Variants in PAX5 observed in about 807,000 individuals in gnomAD.
PAX5 encodes paired box 5.
PAX5 carries 9 observed loss-of-function variants against 43.7 expected under a neutral mutation model. The ratio of observed to expected loss-of-function variants is 0.21; its 90% CI spans 0.12 to 0.36. PAX5 has a LOEUF of 0.36. PAX5 is among the 10% of genes least tolerant of loss of function. The probability of loss-of-function intolerance (pLI) is 1.00; values close to 1 mark genes in which losing one functional copy is unlikely to be tolerated. For synonymous variants in PAX5, 228 were observed against 214.3 expected, an observed-to-expected ratio of 1.06 and a Z score of -0.56; for missense variants, 383 against 532.7, an observed-to-expected ratio of 0.72 and a Z score of 2.77.
At chr9:36,854,706 T>C (rs1307184699) in intron 8 of PAX5, among the ~76,000 whole-genome samples, 1 of 152,038 alleles carries the variant, frequency 6.6e-6, no homozygotes, top group East Asian at 1.9e-4. Flanking sequence ...GATGAAAACC[T>C]GAGCTCAGTA....
intron 6 of PAX5, among the ~76,000 whole-genome samples, chr9:36,938,115 A>G (rs7026266): frequency 0.85 from 129,156 of 152,204 alleles, 55,026 homozygotes; most frequent in East Asian, 0.91. Flanking sequence ...CTAGCACAGC[A>G]ACGGTGGTGT....
At chr9:37,033,151 C>A (rs1357777761) in intron 1 of PAX5, among the ~76,000 whole-genome samples, 1 of 152,252 alleles carries the variant, frequency 6.6e-6, no homozygotes, top group Non-Finnish European at 1.5e-5. Context: ...CCACAGGAGA[C>A]CTGTTTGTAC....
chr9:36,958,479 T>G (rs982162505), intron 6 of PAX5, among the ~76,000 whole-genome samples: 1 of 144,250 alleles, frequency 6.9e-6, no homozygotes, highest in Non-Finnish European at 1.5e-5. Flanking sequence ...TGGGGGGAAG[T>G]GTGAGGAGGT....
chr9:36,895,007 G>A (rs1230093811), intron 7 of PAX5, among the ~76,000 whole-genome samples: 1 of 152,262 alleles, frequency 6.6e-6, no homozygotes, highest in African/African-American at 2.4e-5. Context: ...GTCCTTCTCT[G>A]ATGGAGTGGT....
At chr9:36,936,611 C>T (rs1358407295) in intron 6 of PAX5, among the ~76,000 whole-genome samples, 1 of 152,120 alleles carries the variant, frequency 6.6e-6, no homozygotes, top group African/African-American at 2.4e-5. Flanking sequence ...AGGGAGCACC[C>T]TAAGACTCTC....
chr9:36,901,404 T>C (rs1051709083), intron 7 of PAX5, among the ~76,000 whole-genome samples: 1 of 152,134 alleles, frequency 6.6e-6, no homozygotes, highest in Non-Finnish European at 1.5e-5. Context: ...GTGGCCCCCG[T>C]TGTGCACCTG....
chr9:36,846,933 T>C lies in PAX5; in HGVS notation c.1013-4A>G, dbSNP rs1822645882. On this transcript the variant is annotated splice_region_variant and splice_polypyrimidine_tract_variant and intron_variant, in intron 8 of 9. Coordinates refer to ENST00000358127, the MANE Select transcript of PAX5 (RefSeq NM_016734.3). ...GGACTCCCGGAAAACTCACTCCCTG[T>C]GTATGGTGGGTGGAGAGAGAAACAG... 2.5e-6 allele frequency: 4 copies of C among 1,604,100 alleles called. No individual in the cohort carries two copies. In the East Asian group the frequency reaches 6.7e-5, roughly 27 times the overall value.
intron 1 of PAX5, among the ~76,000 whole-genome samples, chr9:37,033,140 G>T (rs1351539651): frequency 6.6e-6 from 1 of 152,240 alleles, no homozygotes; most frequent in African/African-American, 2.4e-5. Flanking sequence ...GGTTGTGCCT[G>T]CCACAGGAGA....
At chr9:36,876,778 G>C (rs1270223472) in intron 8 of PAX5, among the ~76,000 whole-genome samples, 3 of 152,194 alleles carry the variant, frequency 2.0e-5, no homozygotes, top group Non-Finnish European at 4.4e-5. Context: ...AGAGTTTACT[G>C]AATCTGCAAA....
At chr9:36,887,817 AC>A (rs544976047) in intron 7 of PAX5, among the ~76,000 whole-genome samples, 122 of 152,374 alleles carry the variant, frequency 8.0e-4, no homozygotes, top group Non-Finnish European at 9.4e-4. Flanking sequence ...TTCAAAGGAT[AC>A]TACCAAGAAA....
chr9:36,966,443 C>G lies in PAX5; in HGVS notation c.780+106G>C. 5 of 1,218,810 alleles carry G rather than the reference C, an allele frequency of 4.1e-6. No individual in the cohort carries two copies. In the Middle Eastern group the frequency reaches 5.9e-4, roughly 145 times the overall value. 75.5% of individuals were successfully genotyped at this position (1,218,810 alleles called of 1,614,324 possible). ...ACTGAAGAGACCTCTCTGAGCAGAA[C>G]CTGGTGTGCCCTCACCCACACCCCG... On this transcript the variant is annotated intron_variant, in intron 6 of 9. Transcript: ENST00000358127.
chr9:36,978,671 T>A (rs2132263486), intron 5 of PAX5, among the ~76,000 whole-genome samples: 1 of 152,296 alleles, frequency 6.6e-6, no homozygotes. Flanking sequence ...ATTGCACAAA[T>A]GTTTTCAGGA....
chr9:36,895,439 G>T (rs994145624), intron 7 of PAX5, among the ~76,000 whole-genome samples: 1 of 152,212 alleles, frequency 6.6e-6, no homozygotes, highest in Non-Finnish European at 1.5e-5. Context: ...GCCTAGCGGT[G>T]AAGGGCAAAA....
Position 36,850,518 on chromosome 9 carries a change from C to A in PAX5, c.1013-3589G>T, listed in dbSNP as rs566125480. Among the ~76,000 whole-genome samples the A allele has an allele frequency of 2.6e-5, 4 of 152,340 alleles. No homozygotes were observed. The East Asian group carries it at 7.7e-4, about 29-fold the overall frequency. On this transcript the variant is annotated intron_variant, in intron 8 of 9. Coordinates refer to ENST00000358127, the MANE Select transcript of PAX5 (RefSeq NM_016734.3). ...CAACAGGCCCAAGACAAAGTTCCCA[C>A]AATGAACCCCTTTCAGATGACCGTG... is the stretch of plus-strand genomic sequence containing the variant.
At position 36,923,335 on chromosome 9, in the gene PAX5, C is replaced by T. The variant is rs756182559; in HGVS notation, c.910+20G>A. On this transcript the variant is annotated intron_variant, in intron 7 of 9. Transcript: ENST00000358127. ...CTCTCTCTCTCCCTCACTCATCCCC[C>T]ATGCCCCAGGTGCCCTCACCTGTCA... The T allele has an allele frequency of 3.1e-6, 5 of 1,605,016 alleles. No homozygotes were observed. The African/African-American group carries it at 6.7e-5, about 21-fold the overall frequency.
At chr9:36,992,924 GTTTT>G (rs1248849064) in intron 5 of PAX5, among the ~76,000 whole-genome samples, 3 of 152,158 alleles carry the variant, frequency 2.0e-5, no homozygotes, top group Middle Eastern at 3.2e-3. Flanking sequence ...TATTTTCATT[GTTTT>G]TTTATTTTAC....
chr9:36,924,556 C>A (rs992524909), intron 6 of PAX5, among the ~76,000 whole-genome samples: 1 of 151,716 alleles, frequency 6.6e-6, no homozygotes, highest in Non-Finnish European at 1.5e-5. Context: ...CCTGTCTCTA[C>A]AGAAAATACA....
At chr9:36,861,836 A>G (rs1178110492) in intron 8 of PAX5, among the ~76,000 whole-genome samples, 2 of 152,046 alleles carry the variant, frequency 1.3e-5, no homozygotes, top group Non-Finnish European at 2.9e-5. Context: ...CCTGACTCCA[A>G]TTTTCACAGG....
intron 8 of PAX5, among the ~76,000 whole-genome samples, chr9:36,873,470 A>G (rs763182237): frequency 1.3e-5 from 2 of 152,252 alleles, no homozygotes; most frequent in Non-Finnish European, 1.5e-5. Flanking sequence ...AGGCCACCAG[A>G]GGGCAGCAAA....
Sources: allele counts gnomAD v4.1 joint callset (sites outside exome capture counted in the v4.1 genomes callset), GRCh38; gene constraint gnomAD v4.1.1; transcripts MANE v1.5; gene names NCBI Gene and HGNC (gene_info 2026-07-23, HGNC 2026-07-21).